Variants in WNT8A observed in about 807,000 individuals in gnomAD.
WNT8A encodes the protein protein Wnt-8a.
A neutral mutation model predicts 20.5 loss-of-function variants in WNT8A; 14 were observed. The observed-to-expected ratio is 0.68, with a 90% CI of 0.45 to 1.07. The LOEUF (loss-of-function observed/expected upper bound fraction) is 1.07. Ranked by LOEUF, WNT8A falls within the 50% of genes least tolerant of loss-of-function variation. The pLI, the probability that WNT8A is intolerant of heterozygous loss-of-function variation, is 0.00. For missense variants in WNT8A, 397 were observed against 462.9 expected (o/e 0.86, Z 1.31); for synonymous variants, 167 against 169.2 (o/e 0.99, Z 0.10).
At chr5:138,085,211 A>G (rs1317072123) in intron 2 of WNT8A, among the ~76,000 whole-genome samples, 2 of 152,252 alleles carry the variant, frequency 1.3e-5, no homozygotes, top group Non-Finnish European at 2.9e-5. Flanking sequence ...CTGGGATTAC[A>G]GGCGTAAGCC....
intron 2 of WNT8A, among the ~76,000 whole-genome samples, chr5:138,085,513 C>T (rs1185167437): frequency 6.6e-6 from 1 of 152,032 alleles, no homozygotes; most frequent in Non-Finnish European, 1.5e-5. Flanking sequence ...TTGAAGATAA[C>T]ATTCACCTGA....
Position 138,090,522 on chromosome 5 carries a change from A to G in WNT8A, c.565-6A>G. ...AGCCATTCTCTTTTGTGTTCTCTCT[A>G]TGAAGGCAGTGAGAGCCACCATGAA... On this transcript the variant is annotated splice_polypyrimidine_tract_variant and splice_region_variant and intron_variant, in intron 4 of 4. Transcript: ENST00000506684. The G allele has an allele frequency of 6.2e-7, 1 of 1,612,974 alleles. No individual in the cohort carries two copies. The highest frequency in any genetic ancestry group is 8.5e-7 in the Non-Finnish European group (1 of 1,179,368).
intron 3 of WNT8A, 39 bp downstream of exon 3, chr5:138,087,970 G>T (rs747600913): frequency 6.2e-7 from 1 of 1,609,836 alleles, no homozygotes; most frequent in Admixed American, 1.7e-5. Flanking sequence ...AAGAGGTGAG[G>T]GGCTACAGAG....
chr5:138,085,485 G>A (rs928804465), intron 2 of WNT8A, among the ~76,000 whole-genome samples: 8 of 152,088 alleles, frequency 5.3e-5, no homozygotes, highest in African/African-American at 1.7e-4. Flanking sequence ...ACTGTGTGCC[G>A]TAGTTTGCAT....
upstream of WNT8A, among the ~76,000 whole-genome samples, chr5:138,082,468 A>G (rs1750533210): frequency 6.6e-6 from 1 of 152,166 alleles, no homozygotes; most frequent in Admixed American, 6.6e-5. Flanking sequence ...AATCTCAGCT[A>G]CTGGGGAGGC....
the WNT8A span, among the ~76,000 whole-genome samples, chr5:138,077,703 C>T: frequency 6.6e-6 from 1 of 152,054 alleles, no homozygotes; most frequent in Non-Finnish European, 1.5e-5. Flanking sequence ...CAACTGAAAC[C>T]TTGTATTGGG....
upstream of WNT8A, among the ~76,000 whole-genome samples, chr5:138,082,722 C>T (rs112183305): frequency 0.17 from 25,185 of 150,446 alleles, 2,200 homozygotes; most frequent in Non-Finnish European, 0.18. Context: ...ACTAAAAATA[C>T]AAAAATTAGC....
intron 3 of WNT8A, 128 bp downstream of exon 3, chr5:138,088,059 C>G (rs1188056998): frequency 7.3e-7 from 1 of 1,368,698 alleles, no homozygotes; most frequent in Non-Finnish European, 9.8e-7. Context: ...GCAACTCCTT[C>G]AATTGTAGGA....
rs551797694 is a variant in WNT8A, at chr5:138,086,655, C to T, written c.296-1151C>T. Among the ~76,000 whole-genome samples, 102 of 152,118 alleles carry T rather than the reference C, an allele frequency of 6.7e-4. 2 individuals carry two copies. The highest frequency in any genetic ancestry group is 6.6e-3 in the Admixed American group (101 of 15,266). On this transcript the variant is annotated intron_variant, in intron 2 of 4. Coordinates refer to ENST00000506684, the MANE Select transcript of WNT8A (RefSeq NM_001300939.2). ...CAGTGGCTCACACCTGTAATCCCAGCACTTTGGGAGGCTGAGACGGGAGGA... is the reference window on the plus strand; with the variant it reads ...CAGTGGCTCACACCTGTAATCCCAGTACTTTGGGAGGCTGAGACGGGAGGA...
At chr5:138,082,912 TAAATAAATA>T (rs1425058469), upstream of WNT8A, among the ~76,000 whole-genome samples, 8 of 140,332 alleles carry the variant, frequency 5.7e-5, no homozygotes, top group South Asian at 2.1e-4. Context: ...AATAAATAAA[TAAATAAATA>T]AAATAAAATA....
upstream of WNT8A, among the ~76,000 whole-genome samples, chr5:138,080,452 T>TTTTTTTTTG (rs1750479774): frequency 2.3e-5 from 1 of 43,862 alleles, no homozygotes; most frequent in Non-Finnish European, 4.8e-5. Flanking sequence ...TTGTTTTTTT[T>TTTTTTTTTG]TTTTTTTTTT....
At position 138,084,534 on chromosome 5, in the gene WNT8A, G is replaced by T; in HGVS notation, c.193G>T (p.Ala65Ser). Residue 65 changes from alanine (A) to serine (S), a missense_variant, in exon 2 of 5, where the codon GCC becomes TCC. Transcript: ENST00000506684. ...CTACACGACTAGTGTGGCCTTGGGT[G>T]CCCAGAGTGGCATCGAGGAGTGCAA... ...LTYTTSVALGAQSGIEECKFQ... is the reference protein window; with the variant it reads ...LTYTTSVALGSQSGIEECKFQ... 5.6e-6 allele frequency: 9 copies of T among 1,613,330 alleles called. No homozygotes were observed. The highest frequency in any genetic ancestry group is 1.1e-5 in the South Asian group (1 of 90,896).
upstream of WNT8A, among the ~76,000 whole-genome samples, chr5:138,078,990 C>T (rs1750436554): frequency 6.6e-6 from 1 of 152,100 alleles, no homozygotes; most frequent in Non-Finnish European, 1.5e-5. Flanking sequence ...TATCTATTTA[C>T]GTGTTCTACC....
chr5:138,089,398 A>T (rs1750776330), intron 4 of WNT8A, among the ~76,000 whole-genome samples: 1 of 152,122 alleles, frequency 6.6e-6, no homozygotes, highest in South Asian at 2.1e-4. Flanking sequence ...TTATCACTTC[A>T]ACTGCATGTT....
upstream of WNT8A, among the ~76,000 whole-genome samples, chr5:138,081,065 C>T (rs905066408): frequency 1.3e-5 from 2 of 151,962 alleles, no homozygotes; most frequent in African/African-American, 4.8e-5. Flanking sequence ...CACAGTGAAA[C>T]CCTGTCTCTA....
chr5:138,081,592 G>C (rs1277629617), upstream of WNT8A, among the ~76,000 whole-genome samples: 1 of 151,966 alleles, frequency 6.6e-6, no homozygotes, highest in African/African-American at 2.4e-5. Context: ...CAGAGAAAAG[G>C]CCGCTGAGGC....
intron 4 of WNT8A, among the ~76,000 whole-genome samples, chr5:138,089,899 C>T (rs112568153): frequency 5.9e-5 from 9 of 152,160 alleles, no homozygotes; most frequent in African/African-American, 1.7e-4. Flanking sequence ...TGGGCTCAAG[C>T]GATCCTCTTG....
Position 138,084,164 on chromosome 5 carries a change from C to T in WNT8A, c.37C>T (p.Pro13Ser), listed in dbSNP as rs1481890272. 1.9e-6 allele frequency: 3 copies of T among 1,614,020 alleles called. No homozygotes were observed. The highest frequency in any genetic ancestry group is 2.5e-6 in the Non-Finnish European group (3 of 1,180,040). ...CCIQCLCLVS[P>S]FPTLTPCQGG... ...CATTCAGTGCCTCTGCCTGGTAAGT[C>T]CTTTCCCAACCCTCACTCCTTGCCA... Residue 13 changes from proline to serine, a missense_variant, in exon 1 of 5, where the codon CCT becomes TCT. Pro to Ser is a moderately conservative substitution (Grantham distance 74). Transcript: ENST00000506684.
Position 138,087,673 on chromosome 5 carries a change from AAG to A in WNT8A, c.296-131_296-130del, listed in dbSNP as rs1491456343. 2,420 of 764,344 alleles carry A rather than the reference AAG, an allele frequency of 3.2e-3. 21 individuals are homozygous for A. The highest frequency in any genetic ancestry group is 3.8e-3 in the Non-Finnish European group (2,001 of 530,836). 47.3% of individuals were successfully genotyped at this position (764,344 alleles called of 1,614,324 possible). A position where few individuals can be genotyped will look rare whatever the true frequency, so the allele number is the denominator to read the frequency against. Reference sequence around the variant, plus strand: ...TCAAAAAAAAAAAAAAAAAAAAAAAAAGAAAGAAAAGCATCCTCTTAAACCCA... The same window carrying A: ...TCAAAAAAAAAAAAAAAAAAAAAAAAAAAGAAAAGCATCCTCTTAAACCCA... On this transcript the variant is annotated intron_variant, in intron 2 of 4. Coordinates refer to ENST00000506684, the MANE Select transcript of WNT8A (RefSeq NM_001300939.2).
Sources: allele counts gnomAD v4.1 joint callset (sites outside exome capture counted in the v4.1 genomes callset), GRCh38; gene constraint gnomAD v4.1.1; transcripts MANE v1.5; gene names NCBI Gene and HGNC (gene_info 2026-07-23, HGNC 2026-07-21).